Variants in COBLL1 observed in about 807,000 individuals in gnomAD.
COBLL1 encodes the protein cordon-bleu protein-like 1.
COBLL1 carries 50 observed loss-of-function variants against 94.8 expected under a neutral mutation model. That is an observed-to-expected ratio of 0.53 (90% CI 0.42 to 0.67). COBLL1 has a LOEUF of 0.67. Among genes scored for constraint, COBLL1 ranks in the 30% least tolerant of loss-of-function variants. COBLL1 has a pLI of 0.00. For synonymous variants in COBLL1, 448 were observed against 473.8 expected, an observed-to-expected ratio of 0.95 and a Z score of 0.71; for missense variants, 1,362 against 1,348.7, an observed-to-expected ratio of 1.01 and a Z score of -0.15.
intron 1 of COBLL1, among the ~76,000 whole-genome samples, chr2:164,667,533 C>T (rs1352412391): frequency 1.3e-5 from 2 of 152,186 alleles, no homozygotes; most frequent in African/African-American, 2.4e-5. Flanking sequence ...TGTAGCCCCG[C>T]CTTCATCAAT....
At chr2:164,694,096 T>C (rs902025487) in intron 12 of COBLL1, among the ~76,000 whole-genome samples, 173 bp downstream of exon 12, 13 of 152,150 alleles carry the variant, frequency 8.5e-5, no homozygotes, top group Non-Finnish European at 2.9e-5. Flanking sequence ...TAAGTTATAA[T>C]TGTGAGCAAA....
intron 7 of COBLL1, among the ~76,000 whole-genome samples, chr2:164,710,717 C>A (rs112364621): frequency 2.0e-5 from 3 of 151,952 alleles, no homozygotes; most frequent in Non-Finnish European, 4.4e-5. Flanking sequence ...GCAGCCACCA[C>A]CATGCCTGGC....
intron 2 of COBLL1, among the ~76,000 whole-genome samples, chr2:164,808,630 C>T (rs1385483622): frequency 6.6e-6 from 1 of 152,148 alleles, no homozygotes; most frequent in African/African-American, 2.4e-5. Context: ...CTTCCTTTAG[C>T]TAGTCTGACA....
chr2:164,739,738 CT>C (rs1183919352), intron 3 of COBLL1, among the ~76,000 whole-genome samples: 2 of 152,052 alleles, frequency 1.3e-5, no homozygotes, highest in Admixed American at 1.3e-4. Context: ...TTTCATATTC[CT>C]TTTATATGGT....
At chr2:164,711,127 G>A (rs558694345) in intron 7 of COBLL1, among the ~76,000 whole-genome samples, 37 of 152,132 alleles carry the variant, frequency 2.4e-4, no homozygotes, top group East Asian at 1.7e-3. Flanking sequence ...TGTGACCTTC[G>A]GCCTCCTCAT....
chr2:164,841,050 C>T lies in COBLL1; in HGVS notation c.41+106G>A. The stretch of plus-strand genomic sequence containing the variant: ...GTGGAGGACAGTCAGTGAGTCAGGC[C>T]GCCGGCAGGGCAGCGAGTTGCCAGC... On this transcript the variant is annotated intron_variant, in intron 2 of 13. Transcript: ENST00000652658. This position sits in a 1 kb window ranked among gnomAD's most constrained non-coding sequence, Gnocchi z 5.5. 1 of 1,164,414 alleles carries T rather than the reference C, an allele frequency of 8.6e-7. No homozygotes were observed. Among genetic ancestry groups the T allele is most frequent in the Admixed American group, 4.3e-5 (1 of 23,388 alleles). 72.1% of individuals were successfully genotyped at this position (1,164,414 alleles called of 1,614,324 possible). A position where few individuals can be genotyped will look rare whatever the true frequency, so the allele number is the denominator to read the frequency against.
Position 164,672,421 on chromosome 2 carries a change from G to A in COBLL1, n.127-6520C>T, listed in dbSNP as rs191986823. On this transcript the variant is annotated intron_variant and non_coding_transcript_variant, in intron 1 of 2. Transcript: ENST00000495084. The stretch of plus-strand genomic sequence containing the variant: ...TCCCTTAAAAATGACTTTGTAGGCC[G>A]GGCGCGGTGGCTCACGCCTGTAATC... Among the ~76,000 whole-genome samples the A allele has an allele frequency of 4.5e-4, 68 of 152,216 alleles. No homozygotes were observed. In the East Asian group the frequency reaches 7.5e-3, roughly 17 times the overall value.
At chr2:164,817,523 G>A (rs1177541407) in intron 2 of COBLL1, among the ~76,000 whole-genome samples, 15 of 152,062 alleles carry the variant, frequency 9.9e-5, no homozygotes, top group Non-Finnish European at 5.9e-5. Context: ...AAGCCTGTAC[G>A]TTCTCCTCAC....
intron 2 of COBLL1, among the ~76,000 whole-genome samples, chr2:164,791,714 G>A (rs1418604370): frequency 1.3e-5 from 2 of 152,068 alleles, no homozygotes; most frequent in African/African-American, 4.8e-5. Flanking sequence ...TCACAACTAA[G>A]CTTGAGGAGC....
chr2:164,747,734 C>G (rs1459290851), intron 2 of COBLL1, among the ~76,000 whole-genome samples: 1 of 152,124 alleles, frequency 6.6e-6, no homozygotes, highest in East Asian at 1.9e-4. Flanking sequence ...CTCAGCCTCC[C>G]AAAGTGCTGG....
At chr2:164,732,881 C>T (rs1213679833) in intron 3 of COBLL1, among the ~76,000 whole-genome samples, 1 of 152,114 alleles carries the variant, frequency 6.6e-6, no homozygotes, top group African/African-American at 2.4e-5. Flanking sequence ...TGGTGAAACC[C>T]CATCTCTACT....
rs1559046661 is a variant in COBLL1 at position 164,818,605 on chromosome 2, G to GTGTACATATGTACACATATATGGCGTATA, written c.41+22522_41+22550dup. Among the ~76,000 whole-genome samples the GTGTACATATGTACACATATATGGCGTATA allele has an allele frequency of 3.5e-4, 48 of 138,266 alleles. No individual in the cohort carries two copies. In the East Asian group the frequency reaches 5.7e-3, roughly 16 times the overall value. 90.7% of individuals were successfully genotyped at this position (138,266 alleles called of 152,430 possible). ...ACATATGTACACATATATAGCATAT[G>GTGTACATATGTACACATATATGGCGTATA]TGTACATATGTACACATATATGGCG... On this transcript the variant is annotated intron_variant, in intron 2 of 13. Transcript: ENST00000652658.
Position 164,695,645 on chromosome 2 carries a change from C to T in COBLL1, c.1747G>A (p.Ala583Thr), listed in dbSNP as rs539988251. 6.2e-7 allele frequency: 1 copy of T among 1,613,720 alleles called. No individual in the cohort carries two copies. Among genetic ancestry groups the T allele is most frequent in the African/African-American group, 1.3e-5 (1 of 74,878 alleles). ...AGTTTTTGATCTGGTACTGATGAAG[C>T]TGCTAGATGGTTTTCCTTGTAACTT... is the stretch of plus-strand genomic sequence containing the variant. ...AISYKENHLA[A>T]SSVPDQKLNQ... The change falls in exon 12 of 14, where the codon GCT becomes ACT. Residue 583 changes from alanine (A) to threonine (T), a missense_variant. Coordinates refer to ENST00000652658, the MANE Select transcript of COBLL1 (RefSeq NM_001365672.2).
chr2:164,831,297 G>C (rs1281307490), intron 2 of COBLL1, among the ~76,000 whole-genome samples: 2 of 151,650 alleles, frequency 1.3e-5, no homozygotes, highest in African/African-American at 4.9e-5. Flanking sequence ...ACTTCAGCCT[G>C]GGCAACAGAG....
At chr2:164,775,518 A>G (rs1401332701) in intron 2 of COBLL1, among the ~76,000 whole-genome samples, 1 of 152,116 alleles carries the variant, frequency 6.6e-6, no homozygotes, top group Non-Finnish European at 1.5e-5. Flanking sequence ...GCTGGAGTGC[A>G]GTGGTGTGAC....
intron 2 of COBLL1, among the ~76,000 whole-genome samples, chr2:164,809,095 GT>G (rs1012137786): frequency 1.3e-5 from 2 of 151,918 alleles, no homozygotes; most frequent in African/African-American, 4.8e-5. Flanking sequence ...CTACAACAGT[GT>G]TTTTTTGACT....
intron 2 of COBLL1, among the ~76,000 whole-genome samples, chr2:164,818,320 G>GTATGTATACA (rs1684937073): frequency 7.0e-6 from 1 of 142,110 alleles, no homozygotes; most frequent in African/African-American, 2.7e-5. Context: ...ATACACGTGT[G>GTATGTATACA]TATGTATACA....
intron 2 of COBLL1, among the ~76,000 whole-genome samples, chr2:164,830,623 G>A (rs141312428): frequency 2.6e-5 from 4 of 152,212 alleles, no homozygotes; most frequent in African/African-American, 4.8e-5. Context: ...ACAAGAATAC[G>A]AGCACAAACT....
intron 1 of COBLL1, among the ~76,000 whole-genome samples, chr2:164,672,736 T>C (rs1389910698): frequency 2.0e-5 from 3 of 147,494 alleles, no homozygotes; most frequent in South Asian, 2.1e-4. Flanking sequence ...AAAATGACTT[T>C]GTAAAAAATG....
Sources: gnomAD v4.1 joint callset for allele counts (sites outside exome capture counted in the v4.1 genomes callset) on GRCh38, gnomAD v4.1.1 for gene constraint, Gnocchi (gnomAD v3.1) non-coding constraint, MANE v1.5 for transcripts, NCBI Gene and HGNC (gene_info 2026-07-23, HGNC 2026-07-21) for gene names.